Variants in ACOT7 observed in about 807,000 individuals in gnomAD.
The protein encoded by ACOT7 is acyl-CoA thioesterase 7, also known as cytosolic acyl coenzyme A thioester hydrolase.
ACOT7 carries 12 observed loss-of-function variants against 40.2 expected under a neutral mutation model. The ratio of observed to expected loss-of-function variants is 0.30; its 90% CI spans 0.19 to 0.48. ACOT7 has a LOEUF of 0.48. Among genes scored for constraint, ACOT7 ranks in the 20% least tolerant of loss-of-function variants. ACOT7 has a pLI of 0.99. For missense variants in ACOT7, 395 were observed against 530.8 expected (o/e 0.74, Z 2.51); for synonymous variants, 228 against 219.5 (o/e 1.04, Z -0.34).
chr1:6,386,751 C>T (rs993960254), intron 1 of ACOT7, among the ~76,000 whole-genome samples: 2 of 152,072 alleles, frequency 1.3e-5, no homozygotes, highest in African/African-American at 4.8e-5. Context: ...CCCAGCTACT[C>T]GAGAGGCTGA....
At chr1:6,280,953 G>C in intron 8 of ACOT7, 149 bp downstream of exon 8, 1 of 1,118,536 alleles carries the variant, frequency 8.9e-7, no homozygotes, top group Non-Finnish European at 1.3e-6. Context: ...GAGGTCACCG[G>C]TCACGGCAGT....
intron 6 of ACOT7, among the ~76,000 whole-genome samples, chr1:6,315,756 A>C (rs1285747086): frequency 3.6e-4 from 21 of 57,986 alleles, no homozygotes; most frequent in Middle Eastern, 9.3e-3. Context: ...CTCTGTCTAA[A>C]AAAAAAAAAA....
rs1260518923 is a variant in ACOT7 at position 6,275,740 on chromosome 1, A to T, written c.1014+5362T>A. ...TCAAAAAAAAAAAAAAAAAAAAAAA[A>T]AGATGGCCGCACCTGCCTTCATTAC... is the stretch of plus-strand genomic sequence containing the variant. On this transcript the variant is annotated intron_variant, in intron 8 of 8. Transcript: ENST00000361521. The surrounding 1 kb of genome is among the most constrained non-coding windows in gnomAD (Gnocchi z 5.6). 6.6e-6 allele frequency among the ~76,000 whole-genome samples: 1 copy of T among 151,186 alleles called. No individual in the cohort carries two copies.
At chr1:6,295,085 C>T (rs1639775493) in intron 6 of ACOT7, 105 bp from the exon 7 acceptor site, 1 of 820,166 alleles carries the variant, frequency 1.2e-6, no homozygotes, top group Non-Finnish European at 2.0e-6. Flanking sequence ...CACTAGCCAC[C>T]AGCAAGGGCC....
chr1:6,267,238 G>A (rs1340595931), intron 8 of ACOT7, among the ~76,000 whole-genome samples: 2 of 152,256 alleles, frequency 1.3e-5, no homozygotes, highest in African/African-American at 4.8e-5. Flanking sequence ...GCAGATGTGG[G>A]AGACTGGCGA....
At chr1:6,344,618 G>C (rs561083575) in intron 2 of ACOT7, among the ~76,000 whole-genome samples, 1 of 152,056 alleles carries the variant, frequency 6.6e-6, no homozygotes, top group South Asian at 2.1e-4. Context: ...ACAAAAACTA[G>C]CCGGGTGTGG....
Position 6,315,672 on chromosome 1 carries a change from A to G in ACOT7, c.712+2820T>C, listed in dbSNP as rs1190780752. Among the ~76,000 whole-genome samples the G allele has an allele frequency of 2.7e-5, 4 of 146,960 alleles. No individual in the cohort carries two copies. In the Admixed American group the frequency reaches 2.8e-4, roughly 10 times the overall value. On this transcript the variant is annotated intron_variant, in intron 6 of 8. Transcript: ENST00000361521. ...AGGCTGAGGCAGGAGAATGGTGTGA[A>G]CCCGGGAGGCAGAGCTTGCAGTGAG... is the stretch of plus-strand genomic sequence containing the variant.
intron 6 of ACOT7, among the ~76,000 whole-genome samples, chr1:6,312,440 C>G (rs1031991881): frequency 1.7e-4 from 26 of 151,668 alleles, no homozygotes; most frequent in African/African-American, 5.8e-4. Flanking sequence ...CCTCCCTCCC[C>G]CTCTCTCTAT....
At chr1:6,276,103 C>G (rs1361266070) in intron 8 of ACOT7, among the ~76,000 whole-genome samples, 1 of 152,170 alleles carries the variant, frequency 6.6e-6, no homozygotes. Context: ...CTGTCTACAC[C>G]TCCTCCTCAG....
intron 1 of ACOT7, among the ~76,000 whole-genome samples, chr1:6,364,474 G>A (rs1641957037): frequency 6.7e-6 from 1 of 150,290 alleles, no homozygotes; most frequent in Non-Finnish European, 1.5e-5. Flanking sequence ...CCGGGAGGCA[G>A]AAGTTGCAGT....
Position 6,288,883 on chromosome 1 carries a change from C to T in ACOT7, c.829+5981G>A, listed in dbSNP as rs183985521. On this transcript the variant is annotated intron_variant, in intron 7 of 8. Coordinates refer to ENST00000361521, the MANE Select transcript of ACOT7 (RefSeq NM_007274.4). This position sits in a 1 kb window ranked among gnomAD's most constrained non-coding sequence, Gnocchi z 4.3. Reference sequence around the variant, plus strand: ...AATGTCTGGATGAAGCAAAGCTGTCCGTGTAACTTCCTGACAGACACCCCA... The same window carrying T: ...AATGTCTGGATGAAGCAAAGCTGTCTGTGTAACTTCCTGACAGACACCCCA... Among the ~76,000 whole-genome samples the T allele has an allele frequency of 3.3e-5, 5 of 152,322 alleles. No homozygotes were observed. The highest frequency in any genetic ancestry group is 5.9e-5 in the Non-Finnish European group (4 of 68,034).
chr1:6,385,822 C>G (rs1642430284), intron 1 of ACOT7: 2 of 1,411,478 alleles, frequency 1.4e-6, no homozygotes, highest in East Asian at 2.6e-5. Context: ...CGCCCCTCCC[C>G]CACCAGCCCC....
At chr1:6,319,705 C>T (rs1248882701) in intron 5 of ACOT7, among the ~76,000 whole-genome samples, 1 of 152,196 alleles carries the variant, frequency 6.6e-6, no homozygotes, top group African/African-American at 2.4e-5. Flanking sequence ...TCATCCCTGG[C>T]GCTTGCGTTG....
chr1:6,320,893 T>C (rs552431161), intron 5 of ACOT7, among the ~76,000 whole-genome samples: 1 of 152,262 alleles, frequency 6.6e-6, no homozygotes, highest in Non-Finnish European at 1.5e-5. Context: ...TTACACGCAA[T>C]TCTTCATGTT....
At position 6,281,306 on chromosome 1, in the gene ACOT7, G is replaced by C; in HGVS notation, c.830-20C>G. 6.3e-7 allele frequency: 1 copy of C among 1,594,926 alleles called. No homozygotes were observed. Among genetic ancestry groups the C allele is most frequent in the Non-Finnish European group, 8.5e-7 (1 of 1,176,522 alleles). On this transcript the variant is annotated intron_variant, in intron 7 of 8. Transcript: ENST00000361521. Reference sequence around the variant, plus strand: ...CGCAGCCTGTGGAGAAGGGAGGGCGGGGGTCAGGGCGGCCTCCACCCCACG... The same window carrying C: ...CGCAGCCTGTGGAGAAGGGAGGGCGCGGGTCAGGGCGGCCTCCACCCCACG...
intron 2 of ACOT7, among the ~76,000 whole-genome samples, chr1:6,346,085 G>C (rs937447051): frequency 2.6e-5 from 4 of 152,126 alleles, no homozygotes; most frequent in African/African-American, 9.7e-5. Context: ...CAGGCCATCA[G>C]GGGCATGGCC....
At chr1:6,356,030 A>G (rs1186058191) in intron 1 of ACOT7, among the ~76,000 whole-genome samples, 1 of 151,910 alleles carries the variant, frequency 6.6e-6, no homozygotes, top group Non-Finnish European at 1.5e-5. Context: ...TTGAGAACGA[A>G]CCCCCAGAAA....
At chr1:6,280,041 G>A (rs1225405924) in intron 8 of ACOT7, among the ~76,000 whole-genome samples, 2 of 152,226 alleles carry the variant, frequency 1.3e-5, no homozygotes, top group Non-Finnish European at 2.9e-5. Flanking sequence ...GATCTGCGTG[G>A]GGAGCAGACG....
At chr1:6,367,516 A>G (rs1388131602) in intron 1 of ACOT7, among the ~76,000 whole-genome samples, 1 of 152,234 alleles carries the variant, frequency 6.6e-6, no homozygotes, top group East Asian at 1.9e-4. Context: ...ACAGTCAGAC[A>G]TGCCAGCTGC....
Sources: gnomAD v4.1 joint callset for allele counts (sites outside exome capture counted in the v4.1 genomes callset) on GRCh38, gnomAD v4.1.1 for gene constraint, Gnocchi (gnomAD v3.1) non-coding constraint, MANE v1.5 for transcripts, NCBI Gene and HGNC (gene_info 2026-07-23, HGNC 2026-07-21) for gene names.